The following GRM3 variants were observed in gnomAD, a reference collection of about 807,000 sequenced individuals.
The protein encoded by GRM3 is glutamate metabotropic receptor 3, also known as metabotropic glutamate receptor 3.
In GRM3, 26 loss-of-function variants were observed where a neutral mutation model predicts 70.5. The ratio of observed to expected loss-of-function variants is 0.37; its 90% CI spans 0.27 to 0.51. The LOEUF is 0.51. Among genes scored for constraint, GRM3 ranks in the 20% least tolerant of loss-of-function variants. GRM3 has a pLI of 0.93. For missense variants in GRM3, 859 were observed against 1,123.8 expected, an observed-to-expected ratio of 0.76 and a Z score of 3.37; for synonymous variants, 443 against 434.9, an observed-to-expected ratio of 1.02 and a Z score of -0.23.
intron 1 of GRM3, among the ~76,000 whole-genome samples, chr7:86,651,456 T>C (rs1793604169): frequency 6.6e-6 from 1 of 152,208 alleles, no homozygotes; most frequent in African/African-American, 2.4e-5. Context: ...TTACAAAATA[T>C]GTCAGAATAC....
Position 86,839,225 on chromosome 7 carries a change from A to T in GRM3, c.1711A>T (p.Arg571Trp). ...GCYDLPEDYI[R>W]WEDAWAIGPV... ...CTATGACCTTCCTGAGGACTACATC[A>T]GGTGGGAAGACGCCTGGGCCATTGG... The change falls in exon 4 of 6, where the codon AGG (arginine) becomes TGG (tryptophan). Residue 571 changes from arginine (R) to tryptophan (W), a missense_variant. By Grantham distance (101) the Arg-to-Trp change is moderately radical. Coordinates refer to ENST00000361669, the MANE Select transcript of GRM3 (RefSeq NM_000840.3). This position sits in a 1 kb window ranked among gnomAD's most constrained non-coding sequence, Gnocchi z 4.5. 1 of 1,613,922 alleles carries T rather than the reference A, an allele frequency of 6.2e-7. No individual in the cohort carries two copies. The highest frequency in any genetic ancestry group is 8.5e-7 in the Non-Finnish European group (1 of 1,179,768).
chr7:86,838,823 A>G lies in GRM3; in HGVS notation c.1325-16A>G. 6.8e-7 allele frequency: 1 copy of G among 1,476,366 alleles called. No homozygotes were observed. Among genetic ancestry groups the G allele is most frequent in the Non-Finnish European group, 9.3e-7 (1 of 1,077,324 alleles). The allele number at this position is 1,476,366 out of a possible 1,614,324, so 91.5% of individuals were successfully genotyped here. Reference sequence around the variant, plus strand: ...AAACAAGTGTTCTTTTTTTTCTTTCACTTTACATATCACAGCTCCATTCAA... The same window carrying G: ...AAACAAGTGTTCTTTTTTTTCTTTCGCTTTACATATCACAGCTCCATTCAA... On this transcript the variant is annotated splice_polypyrimidine_tract_variant and intron_variant, in intron 3 of 5. Coordinates refer to ENST00000361669, the MANE Select transcript of GRM3 (RefSeq NM_000840.3).
At chr7:86,660,402 A>C (rs994403948) in intron 1 of GRM3, among the ~76,000 whole-genome samples, 15 of 152,038 alleles carry the variant, frequency 9.9e-5, no homozygotes, top group African/African-American at 3.6e-4. Flanking sequence ...TTAACACCAC[A>C]TGGGCTCATT....
intron 1 of GRM3, among the ~76,000 whole-genome samples, chr7:86,687,363 G>A (rs1259542771): frequency 2.0e-5 from 3 of 152,060 alleles, no homozygotes; most frequent in Middle Eastern, 3.4e-3. Flanking sequence ...AAAAGTGCCT[G>A]GGGTGTAGCC....
intron 3 of GRM3, among the ~76,000 whole-genome samples, chr7:86,836,973 C>G (rs1038223317): frequency 2.6e-5 from 4 of 152,130 alleles, no homozygotes; most frequent in Admixed American, 1.3e-4. Flanking sequence ...GAACTTGAAA[C>G]CAATTCACAA....
chr7:86,671,451 C>T (rs1794171505), intron 1 of GRM3, among the ~76,000 whole-genome samples: 1 of 152,270 alleles, frequency 6.6e-6, no homozygotes, highest in Non-Finnish European at 1.5e-5. Context: ...GAATGTCTCT[C>T]AATGATTTTA....
At chr7:86,649,649 A>T (rs73704941) in intron 1 of GRM3, among the ~76,000 whole-genome samples, 2,480 of 151,460 alleles carry the variant, frequency 0.016, 33 homozygotes, top group African/African-American at 0.027. Flanking sequence ...TAAACAGATT[A>T]AAAAAAATCA....
At chr7:86,765,990 G>C (rs779047385) in intron 2 of GRM3, among the ~76,000 whole-genome samples, 1 of 152,102 alleles carries the variant, frequency 6.6e-6, no homozygotes, top group Non-Finnish European at 1.5e-5. Flanking sequence ...CGATCATCTA[G>C]CCCAGGAATG....
chr7:86,756,999 T>C (rs1796361904), intron 1 of GRM3, among the ~76,000 whole-genome samples: 1 of 152,192 alleles, frequency 6.6e-6, no homozygotes, highest in Admixed American at 6.6e-5. Context: ...ATTTTAAATA[T>C]TGTACTTCTG....
At chr7:86,862,418 AATTATG>A (rs1249724945) in intron 5 of GRM3, among the ~76,000 whole-genome samples, 4 of 152,184 alleles carry the variant, frequency 2.6e-5, no homozygotes, top group Non-Finnish European at 5.9e-5. Flanking sequence ...TCACATTTGG[AATTATG>A]ATTATGACCA....
At chr7:86,809,146 CAT>C (rs1797859264) in intron 3 of GRM3, among the ~76,000 whole-genome samples, 1 of 152,036 alleles carries the variant, frequency 6.6e-6, no homozygotes, top group African/African-American at 2.4e-5. Flanking sequence ...GAGAAAATAA[CAT>C]GTTTTAAAGT....
intron 3 of GRM3, among the ~76,000 whole-genome samples, chr7:86,805,429 A>G (rs902431349): frequency 6.6e-6 from 1 of 152,184 alleles, no homozygotes; most frequent in African/African-American, 2.4e-5. Flanking sequence ...TAATGAACCA[A>G]CATTGACACA....
At chr7:86,669,683 G>A (rs770289641) in intron 1 of GRM3, among the ~76,000 whole-genome samples, 2 of 152,188 alleles carry the variant, frequency 1.3e-5, no homozygotes, top group East Asian at 3.9e-4. Flanking sequence ...TATATATTTT[G>A]TTCCATTCCA....
chr7:86,848,223 A>G (rs1798693628), intron 4 of GRM3, among the ~76,000 whole-genome samples: 1 of 152,178 alleles, frequency 6.6e-6, no homozygotes. Flanking sequence ...GTAATGATCA[A>G]AACTGTGTCT....
At chr7:86,696,338 T>G (rs1794816639) in intron 1 of GRM3, among the ~76,000 whole-genome samples, 1 of 151,272 alleles carries the variant, frequency 6.6e-6, no homozygotes, top group South Asian at 2.1e-4. Context: ...AGGTCAGAGG[T>G]AGGAGAAAAC....
At chr7:86,856,927 T>C (rs1798861154) in intron 5 of GRM3, among the ~76,000 whole-genome samples, 1 of 152,134 alleles carries the variant, frequency 6.6e-6, no homozygotes, top group African/African-American at 2.4e-5. Context: ...ACATTTATTC[T>C]AATAACCACA....
intron 3 of GRM3, among the ~76,000 whole-genome samples, chr7:86,817,270 T>C (rs1350424137): frequency 6.6e-6 from 1 of 151,962 alleles, no homozygotes; most frequent in African/African-American, 2.4e-5. Flanking sequence ...AGAATTGTTA[T>C]TAAATTATAA....
intron 4 of GRM3, among the ~76,000 whole-genome samples, chr7:86,843,602 C>G (rs1798598988): frequency 6.6e-6 from 1 of 152,194 alleles, no homozygotes; most frequent in Admixed American, 6.5e-5. Context: ...AAAAATTCAG[C>G]CATGTTTGAG....
At chr7:86,662,819 A>G (rs939966081) in intron 1 of GRM3, among the ~76,000 whole-genome samples, 5 of 151,998 alleles carry the variant, frequency 3.3e-5, no homozygotes, top group Non-Finnish European at 7.4e-5. Context: ...ATTCTTTAGC[A>G]TCAGCATACC....
Sources: allele counts gnomAD v4.1 joint callset (sites outside exome capture counted in the v4.1 genomes callset), GRCh38; gene constraint gnomAD v4.1.1; non-coding constraint Gnocchi (gnomAD v3.1); transcripts MANE v1.5; gene names NCBI Gene and HGNC (gene_info 2026-07-23, HGNC 2026-07-21).